Variants in SVEP1 observed in about 807,000 individuals in gnomAD.
The protein encoded by SVEP1 is sushi, von Willebrand factor type A, EGF and pentraxin domain containing 1, also known as sushi, von Willebrand factor type A, EGF and pentraxin domain-containing protein 1.
SVEP1 carries 164 observed loss-of-function variants against 367.3 expected under a neutral mutation model. The observed-to-expected ratio is 0.45, with a 90% confidence interval of 0.39 to 0.51. The LOEUF is 0.51. Ranked by LOEUF, SVEP1 falls within the 20% of genes least tolerant of loss-of-function variation. The pLI, the probability that SVEP1 is intolerant of heterozygous loss-of-function variation, is 0.00. For synonymous variants in SVEP1, 1,666 were observed against 1,611.6 expected (o/e 1.03, Z -0.81); for missense variants, 4,117 against 4,425.3 (o/e 0.93, Z 1.98).
At chr9:110,482,592 T>C (rs1829210146) in intron 10 of SVEP1, 100 bp from the exon 11 acceptor site, 2 of 1,378,998 alleles carry the variant, frequency 1.5e-6, no homozygotes, top group Non-Finnish European at 1.9e-6. Context: ...AATGGCATGA[T>C]CTCGGCTCAC....
rs1828325012 is a variant in SVEP1 at position 110,429,980 on chromosome 9, A to G, written c.5555T>C (p.Ile1852Thr). The G allele has an allele frequency of 3.7e-6, 6 of 1,612,656 alleles. No individual in the cohort carries two copies. The highest frequency in any genetic ancestry group is 8.5e-7 in the Non-Finnish European group (1 of 1,179,792). Residue 1852 changes from isoleucine (I) to threonine (T), a missense_variant, in exon 34 of 48, where the codon ATT (isoleucine) becomes ACT (threonine). Around this residue, in one of 4 missense-constraint regions of SVEP1, gnomAD observed 2,174 missense variants for 2,494.3 expected, o/e 0.87. Coordinates refer to ENST00000374469, the MANE Select transcript of SVEP1 (RefSeq NM_153366.4). ...CTCCTCAATGCAACCATTTTCTGGA[A>G]TAGCCGGTTTACCACATGAAACAGC... Reference protein sequence around the residue: ...CKAVSCGKPAIPENGCIEELA... With the variant: ...CKAVSCGKPATPENGCIEELA...
Position 110,482,450 on chromosome 9 carries a change from A to G in SVEP1, c.2081T>C (p.Leu694Pro), listed in dbSNP as rs759228725. 1 of 1,595,898 alleles carries G rather than the reference A, an allele frequency of 6.3e-7. No individual in the cohort carries two copies. The highest frequency in any genetic ancestry group is 1.8e-5 in the Admixed American group (1 of 57,032). Residue 694 changes from leucine to proline, a missense_variant, in exon 11 of 48, where the codon CTT becomes CCT. Transcript: ENST00000374469. ...VITRSHTQGD[L>P]FPQGETIVQY... ...TACTATAGTCTCCCCTTGAGGGAAA[A>G]GGTCTCCTTGTGTATGACTTCTGGT...
Position 110,432,026 on chromosome 9 carries a change from C to A in SVEP1, c.5242G>T (p.Glu1748Ter). The change falls in exon 32 of 48, where the codon GAG becomes TAG. Residue 1748 changes from glutamate to a stop codon, truncating the protein, a stop_gained. Transcript: ENST00000374469. LOFTEE classifies it high-confidence loss of function. The stretch of plus-strand genomic sequence containing the variant: ...CTACAATCTGATCCAACTGCACACT[C>A]ATCGACATCTAAAATGAAGACAGCT... ...GVSPSCLDVD[E>*]CAVGSDCSEH... 1 of 1,599,174 alleles carries A rather than the reference C, an allele frequency of 6.3e-7. No homozygotes were observed. The highest frequency in any genetic ancestry group is 1.1e-5 in the South Asian group (1 of 87,648).
At chr9:110,389,257 ATTAACTAGTTT>A (rs778005473) in intron 41 of SVEP1, among the ~76,000 whole-genome samples, 28 of 152,314 alleles carry the variant, frequency 1.8e-4, no homozygotes, top group South Asian at 8.3e-4. Flanking sequence ...AAACTCAATA[ATTAACTAGTTT>A]TTAAACAAAC....
chr9:110,400,905 G>A lies in SVEP1; in HGVS notation c.9771C>T (p.Tyr3257=). 1.2e-6 allele frequency: 2 copies of A among 1,613,870 alleles called. No homozygotes were observed. Among genetic ancestry groups the A allele is most frequent in the South Asian group, 1.1e-5 (1 of 91,064 alleles). The change falls in exon 40 of 48, where the codon TAC becomes TAT. Residue 3257 remains tyrosine (Y), a synonymous_variant. Transcript: ENST00000374469. ...PEHGFVVGSK[Y]TFESTIIYQC... ...GATAAATAATTGTGCTTTCAAAGGT[G>A]TATTTACTGCCAACCACAAATCCAT...
At position 110,503,094 on chromosome 9, in the gene SVEP1, T is replaced by C; in HGVS notation, c.1427A>G (p.Asp476Gly). Residue 476 changes from aspartate (D) to glycine (G), a missense_variant, in exon 6 of 48, where the codon GAT becomes GGT. By Grantham distance (94) the Asp-to-Gly change is moderately conservative (BLOSUM62 -1). Transcript: ENST00000374469. The part of the protein sequence containing the change: ...CDEGYRLEGS[D>G]KLTCQGNSQW... ...GCTGTTTCCTTGACAAGTAAGCTTA[T>C]CACTGCCTTCTAGTCTGTACCCTTC... 6.2e-7 allele frequency: 1 copy of C among 1,614,012 alleles called. No individual in the cohort carries two copies. Among genetic ancestry groups the C allele is most frequent in the Non-Finnish European group, 8.5e-7 (1 of 1,179,882 alleles).
At chr9:110,502,555 T>A (rs1829550443) in intron 6 of SVEP1, among the ~76,000 whole-genome samples, 2 of 152,234 alleles carry the variant, frequency 1.3e-5, no homozygotes, top group South Asian at 4.1e-4. Context: ...TATCCTTCTT[T>A]CAATTTGCCT....
chr9:110,394,892 T>G (rs992429986), intron 40 of SVEP1, among the ~76,000 whole-genome samples: 9 of 152,146 alleles, frequency 5.9e-5, no homozygotes, highest in African/African-American at 1.9e-4. Context: ...TACCTGAAAG[T>G]GATGGGGAGA....
intron 3 of SVEP1, among the ~76,000 whole-genome samples, chr9:110,528,150 GTGTGTGTATATATATATATATATATA>G (rs1285674960): frequency 2.3e-5 from 1 of 42,730 alleles, no homozygotes; most frequent in African/African-American, 9.7e-5. Context: ...GTGTGTGTGT[GTGTGTGTATATATATATATATATATA>G]TATATATATA....
At chr9:110,505,122 G>C (rs1437605666) in intron 5 of SVEP1, among the ~76,000 whole-genome samples, 1 of 152,098 alleles carries the variant, frequency 6.6e-6, no homozygotes, top group Non-Finnish European at 1.5e-5. Context: ...GCATTTCCGC[G>C]GTTCTGCCAC....
intron 46 of SVEP1, among the ~76,000 whole-genome samples, chr9:110,374,995 T>C (rs373760579): frequency 1.3e-5 from 2 of 152,102 alleles, no homozygotes; most frequent in Non-Finnish European, 2.9e-5. Context: ...TGTATTTATG[T>C]ATAACCTTGT....
At chr9:110,560,608 C>T (rs956661838) in intron 1 of SVEP1, among the ~76,000 whole-genome samples, 1 of 152,118 alleles carries the variant, frequency 6.6e-6, no homozygotes, top group African/African-American at 2.4e-5. Context: ...CAGTATACAC[C>T]TCTGTCTGAA....
chr9:110,437,301 C>G (rs1348162422), intron 27 of SVEP1, among the ~76,000 whole-genome samples: 2 of 152,212 alleles, frequency 1.3e-5, no homozygotes, highest in Non-Finnish European at 2.9e-5. Flanking sequence ...TCCAGCACTA[C>G]AGGTTCCTAA....
intron 47 of SVEP1, 144 bp from the exon 48 acceptor site, chr9:110,366,704 T>A: frequency 1.4e-6 from 1 of 699,636 alleles, no homozygotes; most frequent in East Asian, 2.8e-5. Flanking sequence ...CGGATGGGGG[T>A]CATTCTTTGA....
chr9:110,417,073 T>G (rs1488602340), intron 36 of SVEP1, among the ~76,000 whole-genome samples: 1 of 151,980 alleles, frequency 6.6e-6, no homozygotes, highest in African/African-American at 2.4e-5. Context: ...AACGGAATAA[T>G]AGCTTCAAAA....
rs772081546 is a variant in SVEP1, at chr9:110,379,524, G to C, written c.10238-7C>G. ...GGTGGACCACATGAGATTTCTACAG[G>C]ATAACAAAACAACAATTAAGCTTGT... On this transcript the variant is annotated splice_polypyrimidine_tract_variant and splice_region_variant and intron_variant, in intron 43 of 47. Transcript: ENST00000374469. The C allele has an allele frequency of 2.5e-6, 4 of 1,613,268 alleles. No homozygotes were observed. In the Admixed American group the frequency reaches 6.7e-5, roughly 27 times the overall value.
At chr9:110,547,378 T>C (rs2151690) in intron 2 of SVEP1, among the ~76,000 whole-genome samples, 136,363 of 152,194 alleles carry the variant, frequency 0.9, 61,283 homozygotes, top group Non-Finnish European at 0.91. Flanking sequence ...GCCTGGGTAA[T>C]GCAGTGAGAC....
At chr9:110,388,178 A>AGCTT (rs1468498663) in intron 41 of SVEP1, among the ~76,000 whole-genome samples, 1 of 152,122 alleles carries the variant, frequency 6.6e-6, no homozygotes, top group Non-Finnish European at 1.5e-5. Context: ...GGGACCCAAG[A>AGCTT]GCTTGTGGGG....
chr9:110,523,605 C>G (rs1325500916), intron 3 of SVEP1, among the ~76,000 whole-genome samples: 1 of 151,994 alleles, frequency 6.6e-6, no homozygotes, highest in East Asian at 1.9e-4. Flanking sequence ...CAAGAAATCA[C>G]TTAAACATAA....
Sources: gnomAD v4.1 joint callset for allele counts (sites outside exome capture counted in the v4.1 genomes callset) on GRCh38, gnomAD v4.1.1 for gene constraint, gnomAD v4.1.1 regional missense constraint, MANE v1.5 for transcripts, NCBI Gene and HGNC (gene_info 2026-07-23, HGNC 2026-07-21) for gene names.